Variants in TRIM67 observed in about 807,000 individuals in gnomAD.
TRIM67 encodes tripartite motif-containing protein 67.
Under a neutral mutation model 71.0 loss-of-function variants are expected in TRIM67, and 39 were observed. The observed-to-expected ratio is 0.55, with a 90% confidence interval of 0.43 to 0.72. TRIM67 has a LOEUF of 0.72. Among genes scored for constraint, TRIM67 ranks in the 30% least tolerant of loss-of-function variants. The probability of loss-of-function intolerance (pLI) is 0.00; values close to 1 mark genes in which losing one functional copy is unlikely to be tolerated. For missense variants in TRIM67, 973 were observed against 1,079.2 expected (o/e 0.90, Z 1.38); for synonymous variants, 481 against 473.9 (o/e 1.01, Z -0.19).
Position 231,163,558 on chromosome 1 carries a change from C to T in TRIM67, c.589C>T (p.Pro197Ser). The T allele has an allele frequency of 6.6e-7, 1 of 1,512,444 alleles. No homozygotes were observed. Among genetic ancestry groups the T allele is most frequent in the Non-Finnish European group, 8.8e-7 (1 of 1,136,130 alleles). 93.7% of individuals were successfully genotyped at this position (1,512,444 alleles called of 1,614,324 possible). A position where few individuals can be genotyped will look rare whatever the true frequency, so the allele number is the denominator to read the frequency against. Residue 197 changes from proline to serine, a missense_variant, in exon 1 of 10, where the codon CCG (proline) becomes TCG (serine). Pro to Ser is a moderately conservative substitution (Grantham distance 74). Coordinates refer to ENST00000366653, the MANE Select transcript of TRIM67 (RefSeq NM_001004342.5). ...GTACCAGCAGGGCCGCGGGGCCGTG[C>T]CGGGGACGTCTGCAGCCGCGGCGGT... ...QRYQQGRGAV[P>S]GTSAAAAVAI...
chr1:231,211,035 T>A lies in TRIM67; in HGVS notation c.2123+1785T>A, dbSNP rs1203787991. 5.6e-3 allele frequency among the ~76,000 whole-genome samples: 801 copies of A among 142,952 alleles called. 9 individuals are homozygous for A. The highest frequency in any genetic ancestry group is 0.039 in the South Asian group (171 of 4,424). The allele number at this position is 142,952 out of a possible 152,430, so 93.8% of individuals were successfully genotyped here. Reference sequence around the variant, plus strand: ...TCCTCTCTACCAAAAAAAAAAAATATATATATATATATATATTTTGTTTGT... The same window carrying A: ...TCCTCTCTACCAAAAAAAAAAAATAAATATATATATATATATTTTGTTTGT... On this transcript the variant is annotated intron_variant, in intron 8 of 9. Transcript: ENST00000366653.
chr1:231,186,070 A>T, intron 1 of TRIM67: 1 of 1,532,196 alleles, frequency 6.5e-7, no homozygotes, highest in Non-Finnish European at 8.7e-7. Context: ...CGTGAGCAGA[A>T]CTCACCTCTC....
chr1:231,216,589 T>C lies in TRIM67; in HGVS notation c.*1149T>C. 1.0e-6 allele frequency: 1 copy of C among 985,550 alleles called. No homozygotes were observed. The highest frequency in any genetic ancestry group is 4.7e-5 in the South Asian group (1 of 21,292). The allele number at this position is 985,550 out of a possible 1,614,324, so 61.1% of individuals were successfully genotyped here. A position where few individuals can be genotyped will look rare whatever the true frequency, so the allele number is the denominator to read the frequency against. ...GCATCATGAACACAAGTGGCCCCTG[T>C]GGCAGGCCGGGACGGCTCTGCCCTG... On this transcript the variant is annotated 3_prime_UTR_variant, in exon 10 of 10. Coordinates refer to ENST00000366653, the MANE Select transcript of TRIM67 (RefSeq NM_001004342.5).
chr1:231,163,737 G>A lies in TRIM67; in HGVS notation c.768G>A (p.Pro256=), dbSNP rs1454041385. The change falls in exon 1 of 10, where the codon CCG becomes CCA. Residue 256 remains proline, a synonymous_variant. Coordinates refer to ENST00000366653, the MANE Select transcript of TRIM67 (RefSeq NM_001004342.5). ...ATCGCCTGGTGCAGCCGCCGCCGCC[G>A]CCGCCGCCGCCCGCCGAGGCAGCCT... ...AKHRLVQPPP[P]PPPPAEAASG... The A allele has an allele frequency of 5.4e-6, 8 of 1,492,450 alleles. No homozygotes were observed. Among genetic ancestry groups the A allele is most frequent in the East Asian group, 2.9e-5 (1 of 34,326 alleles). The allele number at this position is 1,492,450 out of a possible 1,614,324, so 92.5% of individuals were successfully genotyped here.
chr1:231,201,311 T>C, intron 4 of TRIM67, 47 bp from the exon 5 acceptor site: 1 of 1,574,134 alleles, frequency 6.4e-7, no homozygotes, highest in Non-Finnish European at 8.6e-7. Context: ...GGCTGCACAA[T>C]TTTTCCTTTG....
chr1:231,202,209 G>GTCA (rs1683566405), intron 5 of TRIM67, among the ~76,000 whole-genome samples: 2 of 1,706 alleles, frequency 1.2e-3, no homozygotes, highest in Non-Finnish European at 2.8e-3. Flanking sequence ...GGCTGAGATA[G>GTCA]TGGAGGAGGA....
chr1:231,177,964 ATGAACTATTTGT>A (rs1008778588), intron 1 of TRIM67, among the ~76,000 whole-genome samples: 17 of 152,212 alleles, frequency 1.1e-4, no homozygotes, highest in African/African-American at 3.9e-4. Flanking sequence ...AGCAGTCCCT[ATGAACTATTTGT>A]TGAATCATAG....
At chr1:231,195,165 C>G (rs1683334814) in intron 1 of TRIM67, among the ~76,000 whole-genome samples, 1 of 152,214 alleles carries the variant, frequency 6.6e-6, no homozygotes, top group South Asian at 2.1e-4. Context: ...ATCACGAGGC[C>G]TTTCCCAGGA....
intron 1 of TRIM67, among the ~76,000 whole-genome samples, chr1:231,193,440 G>GCCC (rs577195245): frequency 1.0e-3 from 152 of 145,560 alleles, no homozygotes; most frequent in Non-Finnish European, 1.9e-3. Context: ...TGTGCTCACA[G>GCCC]CCCCCTCTGA....
rs939887874 is a variant in TRIM67 at position 231,209,386 on chromosome 1, ATT to A, written c.2123+139_2123+140del. ...GGTATTTTCAGCCACTTTGGTCTCC[ATT>A]TTCTAGGAGGCCTTCACTCTGCCCA... On this transcript the variant is annotated intron_variant, in intron 8 of 9. Coordinates refer to ENST00000366653, the MANE Select transcript of TRIM67 (RefSeq NM_001004342.5). This position sits in a 1 kb window ranked among gnomAD's most constrained non-coding sequence, Gnocchi z 4.1. 1.0e-5 allele frequency: 10 copies of A among 1,001,614 alleles called. No individual in the cohort carries two copies. The African/African-American group carries it at 1.6e-4, about 16-fold the overall frequency. 62.0% of individuals were successfully genotyped at this position (1,001,614 alleles called of 1,614,324 possible).
intron 1 of TRIM67, among the ~76,000 whole-genome samples, chr1:231,190,330 C>A (rs1487694029): frequency 5.3e-5 from 8 of 152,104 alleles, no homozygotes. Context: ...ATCTGGAGAG[C>A]CCCATTCCAG....
chr1:231,184,976 C>A (rs1459908568), intron 1 of TRIM67: 1 of 1,503,888 alleles, frequency 6.6e-7, no homozygotes, highest in East Asian at 2.5e-5. Flanking sequence ...AAACACCCAG[C>A]AGTGCTCCTG....
chr1:231,196,992 C>A (rs1377957628), intron 1 of TRIM67, among the ~76,000 whole-genome samples: 5 of 152,202 alleles, frequency 3.3e-5, no homozygotes, highest in Admixed American at 6.5e-5. Context: ...GACCTGGGGT[C>A]TGGAATGTCC....
intron 5 of TRIM67, among the ~76,000 whole-genome samples, chr1:231,202,407 A>G (rs142035829): frequency 1.1e-3 from 171 of 152,222 alleles, no homozygotes; most frequent in African/African-American, 3.9e-3. Context: ...GGCAAGAATC[A>G]GTTTTCTCTG....
At position 231,217,931 on chromosome 1, in the gene TRIM67, C is replaced by G; in HGVS notation, c.*2491C>G. ...GGTGCAGCCAGGACTCCCTCCTCCC[C>G]ACTGCCACCCTGAGCTTGGGGGCTG... On this transcript the variant is annotated 3_prime_UTR_variant, in exon 10 of 10. Coordinates refer to ENST00000366653, the MANE Select transcript of TRIM67 (RefSeq NM_001004342.5). 2 of 1,279,502 alleles carry G rather than the reference C, an allele frequency of 1.6e-6. No individual in the cohort carries two copies. The allele number at this position is 1,279,502 out of a possible 1,614,324, so 79.3% of individuals were successfully genotyped here.
intron 1 of TRIM67, among the ~76,000 whole-genome samples, chr1:231,191,135 C>G (rs1683218974): frequency 6.6e-6 from 1 of 152,222 alleles, no homozygotes; most frequent in Non-Finnish European, 1.5e-5. Flanking sequence ...ACAATCAAAG[C>G]TCAGTGCAGC....
At chr1:231,211,989 A>G (rs1372102218) in intron 8 of TRIM67, among the ~76,000 whole-genome samples, 1 of 152,182 alleles carries the variant, frequency 6.6e-6, no homozygotes, top group Non-Finnish European at 1.5e-5. Flanking sequence ...GAAACGCTAC[A>G]CTTTGAGACG....
chr1:231,219,696 T>A lies in TRIM67; in HGVS notation c.*4256T>A. ...TTCTTAATGGGTTTGTGGCCCTCAA[T>A]TGGTTTTTAAAAAAATCTAACAGAT... is the stretch of plus-strand genomic sequence containing the variant. On this transcript the variant is annotated 3_prime_UTR_variant, in exon 10 of 10. Transcript: ENST00000366653. 1 of 1,185,714 alleles carries A rather than the reference T, an allele frequency of 8.4e-7. No individual in the cohort carries two copies. The highest frequency in any genetic ancestry group is 1.1e-6 in the Non-Finnish European group (1 of 941,410). 73.4% of individuals were successfully genotyped at this position (1,185,714 alleles called of 1,614,324 possible).
At chr1:231,208,470 G>A (rs1465184852) in intron 7 of TRIM67, among the ~76,000 whole-genome samples, 2 of 151,892 alleles carry the variant, frequency 1.3e-5, no homozygotes, top group African/African-American at 4.8e-5. Context: ...CACCATGCCC[G>A]GCCACGAATT....
Sources: allele counts gnomAD v4.1 joint callset (sites outside exome capture counted in the v4.1 genomes callset), GRCh38; gene constraint gnomAD v4.1.1; non-coding constraint Gnocchi (gnomAD v3.1); transcripts MANE v1.5; gene names NCBI Gene and HGNC (gene_info 2026-07-23, HGNC 2026-07-21).